The following NALF1 variants were observed in gnomAD, a reference collection of about 807,000 sequenced individuals.
NALF1 encodes the protein NALCN channel auxiliary factor 1, also known as family with sequence similarity 155 member A.
NALF1 carries 3 observed loss-of-function variants against 48.4 expected under a neutral mutation model. The observed-to-expected ratio is 0.06, with a 90% CI of 0.03 to 0.16. NALF1 has a LOEUF of 0.16. NALF1 is among the 10% of genes least tolerant of loss of function. The pLI is 1.00. For missense variants in NALF1, 526 were observed against 571.5 expected (o/e 0.92, Z 0.81); for synonymous variants, 262 against 245.7 (o/e 1.07, Z -0.62).
At chr13:107,463,878 G>C (rs1884957665) in intron 1 of NALF1, among the ~76,000 whole-genome samples, 1 of 152,170 alleles carries the variant, frequency 6.6e-6, no homozygotes, top group Non-Finnish European at 1.5e-5. Context: ...TAATGATAAG[G>C]AAGGCTCAGT....
intron 1 of NALF1, among the ~76,000 whole-genome samples, chr13:107,583,613 A>G (rs1461354823): frequency 6.6e-6 from 1 of 152,172 alleles, no homozygotes; most frequent in African/African-American, 2.4e-5. Context: ...AGTGTAACTG[A>G]TATTAAAAAT....
chr13:107,268,413 G>T (rs1185020949), intron 1 of NALF1, among the ~76,000 whole-genome samples: 3 of 144,018 alleles, frequency 2.1e-5, no homozygotes, highest in Admixed American at 1.4e-4. Context: ...TGATAAAATT[G>T]TATACAACAC....
intron 2 of NALF1, among the ~76,000 whole-genome samples, chr13:107,189,443 AC>A (rs1192193447): frequency 6.6e-6 from 1 of 152,084 alleles, no homozygotes; most frequent in Non-Finnish European, 1.5e-5. Context: ...CCTCTAATGA[AC>A]CCTTAGAGGG....
At position 107,405,240 on chromosome 13, in the gene NALF1, C is replaced by G. The variant is rs563074247; in HGVS notation, c.916-194485G>C. Among the ~76,000 whole-genome samples, 5 of 152,054 alleles carry G rather than the reference C, an allele frequency of 3.3e-5. No homozygotes were observed. The South Asian group carries it at 1.0e-3, about 32-fold the overall frequency. On this transcript the variant is annotated intron_variant, in intron 1 of 2. Transcript: ENST00000375915. Reference sequence around the variant, plus strand: ...AAAGTAGAAATATAAATGAAAATATCCAGGATTCATTAAATACTTTCAGAA... The same window carrying G: ...AAAGTAGAAATATAAATGAAAATATGCAGGATTCATTAAATACTTTCAGAA...
intron 2 of NALF1, among the ~76,000 whole-genome samples, chr13:107,182,759 C>A (rs1431100040): frequency 6.6e-6 from 1 of 152,100 alleles, no homozygotes; most frequent in South Asian, 2.1e-4. Context: ...CACTTTTTGG[C>A]TACAATCAGA....
chr13:107,209,857 A>G (rs1879723564), intron 2 of NALF1, among the ~76,000 whole-genome samples: 1 of 152,148 alleles, frequency 6.6e-6, no homozygotes, highest in Non-Finnish European at 1.5e-5. Context: ...TTATCACACC[A>G]CCCTGGCAAA....
intron 1 of NALF1, among the ~76,000 whole-genome samples, chr13:107,557,740 T>G (rs1194616332): frequency 6.6e-6 from 1 of 152,018 alleles, no homozygotes; most frequent in Non-Finnish European, 1.5e-5. Context: ...AATCCATGGG[T>G]CCCAAATCCC....
chr13:107,378,227 A>T (rs536449219), intron 1 of NALF1, among the ~76,000 whole-genome samples: 8 of 152,174 alleles, frequency 5.3e-5, no homozygotes, highest in Non-Finnish European at 1.2e-4. Context: ...AAACAAACCA[A>T]GAGGTTCTTA....
At chr13:107,246,653 A>G (rs558533247) in intron 1 of NALF1, among the ~76,000 whole-genome samples, 10 of 152,338 alleles carry the variant, frequency 6.6e-5, no homozygotes, top group African/African-American at 2.4e-4. Flanking sequence ...TTTTCTATTC[A>G]GAATGATTCT....
At chr13:107,511,338 C>T (rs1201042604) in intron 1 of NALF1, among the ~76,000 whole-genome samples, 2 of 152,168 alleles carry the variant, frequency 1.3e-5, no homozygotes, top group East Asian at 3.9e-4. Flanking sequence ...TCACTAGAAA[C>T]TCAAATATTA....
intron 2 of NALF1, among the ~76,000 whole-genome samples, chr13:107,195,940 T>G (rs562380410): frequency 6.6e-6 from 1 of 152,292 alleles, no homozygotes; most frequent in South Asian, 2.1e-4. Context: ...GAAAACGTGG[T>G]ACATATACAC....
intron 1 of NALF1, among the ~76,000 whole-genome samples, chr13:107,523,259 C>T (rs1954164390): frequency 6.6e-6 from 1 of 152,148 alleles, no homozygotes; most frequent in Non-Finnish European, 1.5e-5. Context: ...TCAAACATTG[C>T]CTTCAATATG....
chr13:107,459,718 C>T lies in NALF1; in HGVS notation c.916-248963G>A, dbSNP rs536060731. Among the ~76,000 whole-genome samples the T allele has an allele frequency of 1.1e-3, 168 of 152,112 alleles. 1 individual carries two copies. In the Middle Eastern group the frequency reaches 0.041, roughly 37 times the overall value. On this transcript the variant is annotated intron_variant, in intron 1 of 2. Transcript: ENST00000375915. The stretch of plus-strand genomic sequence containing the variant: ...GTATGTAAGAAAATCCCTTCTAAGC[C>T]ATTCTTGTCATGCTTCTTATTTTTT...
intron 1 of NALF1, among the ~76,000 whole-genome samples, chr13:107,834,623 G>C (rs142744927): frequency 1.3e-5 from 2 of 152,178 alleles, no homozygotes; most frequent in African/African-American, 4.8e-5. Context: ...CATTTGCCTG[G>C]AGAAAAATTT....
At chr13:107,760,791 T>C (rs1023082034) in intron 1 of NALF1, among the ~76,000 whole-genome samples, 1 of 152,216 alleles carries the variant, frequency 6.6e-6, no homozygotes, top group African/African-American at 2.4e-5. Context: ...CCTTCTTCTA[T>C]AGCTCCTATC....
chr13:107,289,517 G>A (rs1271346829), intron 1 of NALF1, among the ~76,000 whole-genome samples: 1 of 152,150 alleles, frequency 6.6e-6, no homozygotes, highest in Non-Finnish European at 1.5e-5. Flanking sequence ...TACCATGTAT[G>A]TTAGGGTATG....
chr13:107,375,688 A>T lies in NALF1; in HGVS notation c.916-164933T>A, dbSNP rs565729610. ...GAATGCTATAAAGAAAAGAGCCAAT[A>T]GAACAAAAAAGTAACTCTAAGTTTG... On this transcript the variant is annotated intron_variant, in intron 1 of 2. Coordinates refer to ENST00000375915, the MANE Select transcript of NALF1 (RefSeq NM_001080396.3). Among the ~76,000 whole-genome samples, 3 of 152,350 alleles carry T rather than the reference A, an allele frequency of 2.0e-5. No individual in the cohort carries two copies. The South Asian group carries it at 6.2e-4, about 32-fold the overall frequency.
chr13:107,792,894 T>A (rs1282277707), intron 1 of NALF1, among the ~76,000 whole-genome samples: 1 of 152,100 alleles, frequency 6.6e-6, no homozygotes, highest in Non-Finnish European at 1.5e-5. Flanking sequence ...ACTACAGCCA[T>A]GTATACTGGC....
At chr13:107,375,521 T>G (rs530682100) in intron 1 of NALF1, among the ~76,000 whole-genome samples, 1 of 152,250 alleles carries the variant, frequency 6.6e-6, no homozygotes, top group Non-Finnish European at 1.5e-5. Flanking sequence ...TTTGCTCAAT[T>G]TCAGTTATGA....
Sources: gnomAD v4.1 joint callset for allele counts (sites outside exome capture counted in the v4.1 genomes callset) on GRCh38, gnomAD v4.1.1 for gene constraint, MANE v1.5 for transcripts, NCBI Gene and HGNC (gene_info 2026-07-23, HGNC 2026-07-21) for gene names.